HS6ST3: variants seen among roughly 807,000 people sequenced by gnomAD.
HS6ST3 encodes the protein heparan-sulfate 6-O-sulfotransferase 3.
HS6ST3 carries 12 observed loss-of-function variants against 36.7 expected under a neutral mutation model. That is an observed-to-expected ratio of 0.33 (90% CI 0.21 to 0.53). The LOEUF (loss-of-function observed/expected upper bound fraction) is 0.53. HS6ST3 is among the 20% of genes least tolerant of loss of function. HS6ST3 has a pLI of 0.95. For synonymous variants in HS6ST3, 240 were observed against 257.5 expected, an observed-to-expected ratio of 0.93 and a Z score of 0.65; for missense variants, 584 against 640.9, an observed-to-expected ratio of 0.91 and a Z score of 0.96.
chr13:96,415,316 A>G (rs745530336), intron 1 of HS6ST3, among the ~76,000 whole-genome samples: 1 of 152,202 alleles, frequency 6.6e-6, no homozygotes, highest in African/African-American at 2.4e-5. Context: ...ACAGGAATCC[A>G]TGAGAAGCCC....
At chr13:96,639,045 G>T (rs1160409569) in intron 1 of HS6ST3, among the ~76,000 whole-genome samples, 2 of 151,966 alleles carry the variant, frequency 1.3e-5, no homozygotes, top group African/African-American at 4.8e-5. Flanking sequence ...CTGTTGAGGG[G>T]AGACTTCAAC....
intron 1 of HS6ST3, among the ~76,000 whole-genome samples, chr13:96,362,442 G>A (rs186017006): frequency 6.6e-6 from 1 of 152,098 alleles, no homozygotes; most frequent in African/African-American, 2.4e-5. Flanking sequence ...ACTCAAACAC[G>A]TACAATCTTA....
intron 1 of HS6ST3, among the ~76,000 whole-genome samples, chr13:96,317,342 A>AAAAT (rs1392126403): frequency 1.4e-4 from 5 of 36,554 alleles, no homozygotes; most frequent in Non-Finnish European, 2.3e-4. Flanking sequence ...ATATATATAT[A>AAAAT]TATATATATA....
At chr13:96,558,332 AC>A (rs1309405550) in intron 1 of HS6ST3, among the ~76,000 whole-genome samples, 1 of 152,196 alleles carries the variant, frequency 6.6e-6, no homozygotes, top group Non-Finnish European at 1.5e-5. Flanking sequence ...AGTGTCTCTT[AC>A]ATGTACTTTA....
At chr13:96,767,487 A>G (rs1877148386) in intron 1 of HS6ST3, among the ~76,000 whole-genome samples, 1 of 152,242 alleles carries the variant, frequency 6.6e-6, no homozygotes, top group African/African-American at 2.4e-5. Context: ...TGTGTAGGGT[A>G]GTGAGAATTG....
intron 1 of HS6ST3, among the ~76,000 whole-genome samples, chr13:96,467,163 C>T (rs2055818217): frequency 6.6e-6 from 1 of 152,124 alleles, no homozygotes; most frequent in Admixed American, 6.6e-5. Context: ...GTATACCGTT[C>T]CCAGCCTTGT....
chr13:96,798,214 C>T (rs964891959), intron 1 of HS6ST3, among the ~76,000 whole-genome samples: 5 of 152,036 alleles, frequency 3.3e-5, no homozygotes, highest in African/African-American at 9.7e-5. Context: ...GGTGCACCAC[C>T]CTCCAGGAAC....
At chr13:96,587,684 A>T (rs892443873) in intron 1 of HS6ST3, among the ~76,000 whole-genome samples, 1 of 152,220 alleles carries the variant, frequency 6.6e-6, no homozygotes, top group African/African-American at 2.4e-5. Flanking sequence ...GTGATAACTC[A>T]TAGTTTCCTG....
At chr13:96,475,920 G>A (rs1161939747) in intron 1 of HS6ST3, among the ~76,000 whole-genome samples, 6 of 152,152 alleles carry the variant, frequency 3.9e-5, no homozygotes, top group African/African-American at 1.4e-4. Context: ...GGAAGGGCAG[G>A]AAGAATCATG....
intron 1 of HS6ST3, among the ~76,000 whole-genome samples, chr13:96,157,342 A>C (rs932560957): frequency 6.6e-6 from 1 of 152,226 alleles, no homozygotes; most frequent in Admixed American, 6.5e-5. Flanking sequence ...AATGAGGAGA[A>C]GCTCATCTAA....
chr13:96,168,505 A>G (rs1334583687), intron 1 of HS6ST3, among the ~76,000 whole-genome samples: 1 of 151,948 alleles, frequency 6.6e-6, no homozygotes, highest in Admixed American at 6.6e-5. Context: ...TAGGAGTTCA[A>G]AAGCATCCTG....
At chr13:96,732,572 T>C (rs1876184326) in intron 1 of HS6ST3, among the ~76,000 whole-genome samples, 1 of 152,150 alleles carries the variant, frequency 6.6e-6, no homozygotes, top group South Asian at 2.1e-4. Flanking sequence ...TATTTTGAAG[T>C]ATGGTAGTGT....
intron 1 of HS6ST3, among the ~76,000 whole-genome samples, chr13:96,335,588 T>A (rs546150688): frequency 3.7e-4 from 57 of 152,314 alleles, no homozygotes; most frequent in African/African-American, 1.3e-3. Context: ...GGGTGAATGT[T>A]TCCATGGCAA....
rs1021217353 is a variant in HS6ST3, at chr13:96,614,322, A to C, written c.708-218168A>C. ...CAAAAAAAAAAAAAAAAAAAAAAAAAAAAAAACAGTTATTACCAGAGTGCA... is the reference window on the plus strand; with the variant it reads ...CAAAAAAAAAAAAAAAAAAAAAAAACAAAAAACAGTTATTACCAGAGTGCA... On this transcript the variant is annotated intron_variant, in intron 1 of 1. Coordinates refer to ENST00000376705, the MANE Select transcript of HS6ST3 (RefSeq NM_153456.4). Among the ~76,000 whole-genome samples the C allele has an allele frequency of 3.2e-4, 47 of 148,490 alleles. 1 individual carries two copies. The South Asian group carries it at 3.2e-3, about 10-fold the overall frequency.
At chr13:96,651,152 T>C (rs889130443) in intron 1 of HS6ST3, among the ~76,000 whole-genome samples, 2 of 152,138 alleles carry the variant, frequency 1.3e-5, no homozygotes, top group Non-Finnish European at 2.9e-5. Context: ...TTTTCTATCA[T>C]CAATTATTTA....
At chr13:96,831,905 A>G (rs1878793509) in intron 1 of HS6ST3, among the ~76,000 whole-genome samples, 1 of 130,840 alleles carries the variant, frequency 7.6e-6, no homozygotes, top group African/African-American at 2.9e-5. Flanking sequence ...CGGTGAGCTG[A>G]GATTGTGCCA....
rs148508968 is a variant in HS6ST3 at position 96,134,851 on chromosome 13, C to T, written c.707+43282C>T. On this transcript the variant is annotated intron_variant, in intron 1 of 1. Coordinates refer to ENST00000376705, the MANE Select transcript of HS6ST3 (RefSeq NM_153456.4). ...AATTGCATGTGACACATTTTTGATC[C>T]AAGAATAATAGTTTTCTTTATGGAA... Among the ~76,000 whole-genome samples the T allele has an allele frequency of 2.6e-5, 4 of 152,182 alleles. No homozygotes were observed. The East Asian group carries it at 5.8e-4, about 22-fold the overall frequency.
At chr13:96,375,809 G>T (rs2055311890) in intron 1 of HS6ST3, among the ~76,000 whole-genome samples, 1 of 152,158 alleles carries the variant, frequency 6.6e-6, no homozygotes, top group Non-Finnish European at 1.5e-5. Flanking sequence ...TATTGGTGAA[G>T]ATTTTCTTTA....
At chr13:96,261,489 A>G (rs2054666435) in intron 1 of HS6ST3, among the ~76,000 whole-genome samples, 1 of 152,162 alleles carries the variant, frequency 6.6e-6, no homozygotes, top group Non-Finnish European at 1.5e-5. Context: ...ATCCTTGATG[A>G]TAGATTTTAT....
Sources: allele counts gnomAD v4.1 joint callset (sites outside exome capture counted in the v4.1 genomes callset), GRCh38; gene constraint gnomAD v4.1.1; transcripts MANE v1.5; gene names NCBI Gene and HGNC (gene_info 2026-07-23, HGNC 2026-07-21).